The following EYS variants were observed in gnomAD, a reference collection of about 807,000 sequenced individuals.
The protein encoded by EYS is EGF-like photoreceptor maintenance factor.
In EYS, 250 loss-of-function variants were observed where a neutral mutation model predicts 282.1. The observed-to-expected ratio is 0.89, with a 90% CI of 0.80 to 0.98. The LOEUF is 0.98. Ranked by LOEUF, EYS falls within the 50% of genes least tolerant of loss-of-function variation. EYS has a pLI of 0.00. For missense variants in EYS, 4,016 were observed against 3,709.0 expected, an observed-to-expected ratio of 1.08 and a Z score of -2.15; for synonymous variants, 1,355 against 1,282.9, an observed-to-expected ratio of 1.06 and a Z score of -1.20.
intron 13 of EYS, among the ~76,000 whole-genome samples, chr6:65,045,250 T>A (rs1773068246): frequency 6.6e-6 from 1 of 151,884 alleles, no homozygotes; most frequent in Non-Finnish European, 1.5e-5. Context: ...TTTGACAAAA[T>A]ACAATTTTCA....
At chr6:63,931,136 C>G (rs1438071723) in intron 35 of EYS, among the ~76,000 whole-genome samples, 1 of 152,148 alleles carries the variant, frequency 6.6e-6, no homozygotes, top group African/African-American at 2.4e-5. Context: ...GGAAACACTT[C>G]CAATAGAAAA....
At position 63,720,329 on chromosome 6, in the gene EYS, G is replaced by A. The variant is rs1768323726; in HGVS notation, c.*267C>T. On this transcript the variant is annotated 3_prime_UTR_variant, in exon 43 of 43. Coordinates refer to ENST00000503581, the MANE Select transcript of EYS (RefSeq NM_001142800.2). Reference sequence around the variant, plus strand: ...TTAGGGATAGGTAAAAAGTGAATAAGCAAAGTGAATAAGCACATTCTGTGA... The same window carrying A: ...TTAGGGATAGGTAAAAAGTGAATAAACAAAGTGAATAAGCACATTCTGTGA... 1 of 405,304 alleles carries A rather than the reference G, an allele frequency of 2.5e-6. No individual in the cohort carries two copies. Among genetic ancestry groups the A allele is most frequent in the Admixed American group, 4.1e-5 (1 of 24,504 alleles). The allele number at this position is 405,304 out of a possible 1,614,324, so 25.1% of individuals were successfully genotyped here.
intron 18 of EYS, among the ~76,000 whole-genome samples, chr6:64,887,131 G>T (rs1767117840): frequency 6.6e-6 from 1 of 151,602 alleles, no homozygotes; most frequent in Non-Finnish European, 1.5e-5. Context: ...TCCTTTGTAG[G>T]GACATGGATG....
chr6:65,306,377 G>A (rs1409464919), intron 11 of EYS, among the ~76,000 whole-genome samples: 3 of 152,048 alleles, frequency 2.0e-5, no homozygotes, highest in South Asian at 2.1e-4. Context: ...TTTATGTATC[G>A]ACACACCTCT....
chr6:64,883,167 T>A (rs1373229676), intron 19 of EYS, among the ~76,000 whole-genome samples: 1 of 151,528 alleles, frequency 6.6e-6, no homozygotes, highest in Non-Finnish European at 1.5e-5. Flanking sequence ...ATTGTTTTAC[T>A]TCTTATGTAG....
chr6:64,657,314 C>T (rs1484558566), intron 22 of EYS, among the ~76,000 whole-genome samples: 1 of 152,128 alleles, frequency 6.6e-6, no homozygotes, highest in East Asian at 1.9e-4. Context: ...ATCCAATTTG[C>T]CAGTCTGTGT....
chr6:65,229,406 G>C (rs1474963492), intron 12 of EYS, among the ~76,000 whole-genome samples: 3 of 151,850 alleles, frequency 2.0e-5, no homozygotes, highest in Admixed American at 6.6e-5. Flanking sequence ...TAACAGTAGA[G>C]AACTGAGCAT....
chr6:64,119,410 C>G (rs1773498783), intron 31 of EYS, among the ~76,000 whole-genome samples: 1 of 152,120 alleles, frequency 6.6e-6, no homozygotes, highest in Non-Finnish European at 1.5e-5. Context: ...TAAGTATAAT[C>G]ACTAAAAGTT....
chr6:64,105,341 C>A (rs1417108892), intron 31 of EYS, among the ~76,000 whole-genome samples: 4 of 151,974 alleles, frequency 2.6e-5, no homozygotes, highest in African/African-American at 9.7e-5. Context: ...ACAGAAAATT[C>A]AAGAGAAAAG....
intron 31 of EYS, among the ~76,000 whole-genome samples, chr6:64,098,307 AG>A (rs1288643990): frequency 6.6e-6 from 1 of 152,218 alleles, no homozygotes; most frequent in Non-Finnish European, 1.5e-5. Context: ...AGGTATAGAA[AG>A]GAATACTATA....
chr6:64,874,558 G>A (rs1766687599), intron 19 of EYS, among the ~76,000 whole-genome samples: 1 of 152,052 alleles, frequency 6.6e-6, no homozygotes, highest in South Asian at 2.1e-4. Context: ...ATGGGGGCTT[G>A]TGTGCAGTAA....
At chr6:65,655,467 T>C (rs1012435158) in intron 1 of EYS, among the ~76,000 whole-genome samples, 10 of 151,738 alleles carry the variant, frequency 6.6e-5, no homozygotes, top group South Asian at 2.1e-4. Flanking sequence ...TGATAGTGTA[T>C]CCCCTTGAAA....
chr6:64,966,221 A>T (rs1373186908), intron 14 of EYS, among the ~76,000 whole-genome samples: 1 of 152,166 alleles, frequency 6.6e-6, no homozygotes, highest in African/African-American at 2.4e-5. Flanking sequence ...GAGAAAAAAG[A>T]TTCATTTGTC....
intron 12 of EYS, among the ~76,000 whole-genome samples, chr6:65,098,410 T>C (rs1013318361): frequency 2.0e-5 from 3 of 150,770 alleles, no homozygotes; most frequent in African/African-American, 7.3e-5. Context: ...GAATGACTTA[T>C]AAAAGAAGAT....
intron 12 of EYS, among the ~76,000 whole-genome samples, chr6:65,242,007 T>G (rs1767068826): frequency 6.6e-6 from 1 of 152,074 alleles, no homozygotes; most frequent in Admixed American, 6.5e-5. Context: ...ATTGTGCAAA[T>G]TCCAGCAAAA....
At chr6:63,775,116 C>A (rs558025945) in intron 40 of EYS, among the ~76,000 whole-genome samples, 22 of 152,172 alleles carry the variant, frequency 1.4e-4, no homozygotes, top group Non-Finnish European at 2.9e-4. Context: ...TTATGATACT[C>A]ACATTTGAGA....
intron 34 of EYS, among the ~76,000 whole-genome samples, chr6:63,992,494 CAT>C (rs1337811087): frequency 6.6e-6 from 1 of 151,486 alleles, no homozygotes; most frequent in Non-Finnish European, 1.5e-5. Context: ...TGATTAATAA[CAT>C]AAAGTGTGTG....
chr6:65,238,754 C>T (rs1057350732), intron 12 of EYS, among the ~76,000 whole-genome samples: 1 of 151,878 alleles, frequency 6.6e-6, no homozygotes, highest in African/African-American at 2.4e-5. Context: ...AAATCTTATT[C>T]AATGGCAAAA....
intron 36 of EYS, among the ~76,000 whole-genome samples, chr6:63,820,095 G>A (rs1294272083): frequency 1.3e-5 from 2 of 152,164 alleles, no homozygotes; most frequent in South Asian, 2.1e-4. Context: ...TACAATTCAT[G>A]TTTCCATAAA....
Sources: gnomAD v4.1 joint callset for allele counts (sites outside exome capture counted in the v4.1 genomes callset) on GRCh38, gnomAD v4.1.1 for gene constraint, MANE v1.5 for transcripts, NCBI Gene and HGNC (gene_info 2026-07-23, HGNC 2026-07-21) for gene names.